UVSSA: variants seen among roughly 807,000 people sequenced by gnomAD.
UVSSA encodes UV stimulated scaffold protein A, also known as UV-stimulated scaffold protein A.
In UVSSA, 72 loss-of-function variants were observed where a neutral mutation model predicts 73.9. The observed-to-expected ratio is 0.97, with a 90% CI of 0.81 to 1.19. The LOEUF is 1.19. UVSSA is among the 50% of genes most tolerant of loss of function. UVSSA has a pLI of 0.00. For missense variants in UVSSA, 1,150 were observed against 965.0 expected (o/e 1.19, Z -2.54); for synonymous variants, 454 against 391.3 (o/e 1.16, Z -1.89).
chr4:1,387,120 C>T lies in UVSSA; in HGVS notation c.*1159C>T, dbSNP rs890685691. 6.6e-6 allele frequency: 1 copy of T among 151,990 alleles called. No homozygotes were observed. 9.4% of individuals were successfully genotyped at this position (151,990 alleles called of 1,614,324 possible). A position where few individuals can be genotyped will look rare whatever the true frequency, so the allele number is the denominator to read the frequency against. ...TTGAAATGGAATCTTGCTCTGTCGC[C>T]AGGCTGGAGTGCAATGGCGTGATCT... On this transcript the variant is annotated 3_prime_UTR_variant, in exon 14 of 14. Coordinates refer to ENST00000389851, the MANE Select transcript of UVSSA (RefSeq NM_020894.4).
At chr4:1,392,922 A>C (rs1156846975), downstream of UVSSA, 1 of 152,164 alleles carries the variant, frequency 6.6e-6, no homozygotes, top group Non-Finnish European at 1.5e-5. Context: ...AGTAACTCTC[A>C]TGGTTCTGCT....
At chr4:1,345,651 A>C (rs1378917967), upstream of UVSSA, among the ~76,000 whole-genome samples, 1 of 68,260 alleles carries the variant, frequency 1.5e-5, no homozygotes, top group Non-Finnish European at 5.1e-5. Context: ...TCTCAAAAAA[A>C]AAAAAAAAAA....
chr4:1,371,241 C>T (rs545957234), intron 8 of UVSSA, among the ~76,000 whole-genome samples: 4 of 145,630 alleles, frequency 2.7e-5, no homozygotes, highest in South Asian at 2.3e-4. Context: ...AGTGAGAGTA[C>T]GTCTGTGGGT....
In UVSSA at chr4:1,360,057, C is replaced by T. The variant is rs1055363230; in HGVS notation, c.1176+4812C>T. On this transcript the variant is annotated intron_variant, in intron 7 of 13. Coordinates refer to ENST00000389851, the MANE Select transcript of UVSSA (RefSeq NM_020894.4). ...GCAGGGGAGGAGGGACCTAAATCAG[C>T]GCTGCTGGGAAACCTTGTACCGCCC... 7.2e-5 allele frequency among the ~76,000 whole-genome samples: 11 copies of T among 152,352 alleles called. No homozygotes were observed. The South Asian group carries it at 1.4e-3, about 20-fold the overall frequency.
intron 6 of UVSSA, 115 bp downstream of exon 6, chr4:1,354,962 C>A: frequency 6.5e-7 from 1 of 1,529,260 alleles, no homozygotes; most frequent in Non-Finnish European, 8.8e-7. Flanking sequence ...CCTTAACCCG[C>A]GAGGGCTCTG....
intron 8 of UVSSA, among the ~76,000 whole-genome samples, chr4:1,373,677 C>G (rs1311607072): frequency 2.0e-5 from 3 of 152,180 alleles, no homozygotes; most frequent in African/African-American, 7.2e-5. Flanking sequence ...GTTTCTTCAA[C>G]TGTTTTCTGC....
chr4:1,380,597 G>T (rs1391645447), intron 11 of UVSSA: 1 of 1,474,492 alleles, frequency 6.8e-7, no homozygotes, highest in Non-Finnish European at 9.1e-7. Context: ...GCTGGGCATG[G>T]TGCAGGGGGG....
chr4:1,346,494 G>A (rs1577262305), upstream of UVSSA, among the ~76,000 whole-genome samples: 1 of 152,202 alleles, frequency 6.6e-6, no homozygotes, highest in East Asian at 1.9e-4. Flanking sequence ...GCGGCAGGAC[G>A]GACGGCGCCT....
intron 8 of UVSSA, among the ~76,000 whole-genome samples, chr4:1,372,944 C>T (rs1375964585): frequency 6.6e-6 from 1 of 151,916 alleles, no homozygotes; most frequent in Non-Finnish European, 1.5e-5. Flanking sequence ...CCCCCTGCCC[C>T]CTGGCTTTTC....
At position 1,394,566 on chromosome 4, in the gene UVSSA, C is replaced by G; in HGVS notation, c.*8605C>G. On this transcript the variant is annotated 3_prime_UTR_variant, in exon 14 of 14. Coordinates refer to the UVSSA transcript ENST00000511216. ...GGAGTGCCCGCCTGCTCACACGTGCCCATGTGGAGTGCCCGCCTGCTCATG... is the reference window on the plus strand; with the variant it reads ...GGAGTGCCCGCCTGCTCACACGTGCGCATGTGGAGTGCCCGCCTGCTCATG... The G allele has an allele frequency of 6.6e-7, 1 of 1,525,446 alleles. No homozygotes were observed. The highest frequency in any genetic ancestry group is 8.9e-7 in the Non-Finnish European group (1 of 1,124,730). The allele number at this position is 1,525,446 out of a possible 1,614,324, so 94.5% of individuals were successfully genotyped here.
At position 1,383,866 on chromosome 4, in the gene UVSSA, G is replaced by GTA; in HGVS notation, c.1963_1964dup (p.Pro656ThrfsTer7). On this transcript the variant is annotated frameshift_variant, in exon 13 of 14. Coordinates refer to ENST00000389851, the MANE Select transcript of UVSSA (RefSeq NM_020894.4). LOFTEE classifies it high-confidence loss of function. Reference sequence around the variant, plus strand: ...GGAAAGGCAGGGGGAAGAAGAGGAGGTACCCCAGCCTCACCAACCTGAAGG... The same window carrying GTA: ...GGAAAGGCAGGGGGAAGAAGAGGAGGTATACCCCAGCCTCACCAACCTGAAGG... 6.2e-7 allele frequency: 1 copy of GTA among 1,613,558 alleles called. No homozygotes were observed. The highest frequency in any genetic ancestry group is 1.3e-5 in the African/African-American group (1 of 75,018).
chr4:1,373,572 T>C (rs1375486011), intron 8 of UVSSA, among the ~76,000 whole-genome samples: 1 of 152,182 alleles, frequency 6.6e-6, no homozygotes, highest in Non-Finnish European at 1.5e-5. Flanking sequence ...GCCATGGTGT[T>C]CTTAGGTTTT....
At chr4:1,352,764 C>T (rs1206626662) in intron 4 of UVSSA, among the ~76,000 whole-genome samples, 2 of 152,220 alleles carry the variant, frequency 1.3e-5, no homozygotes, top group Non-Finnish European at 2.9e-5. Flanking sequence ...CCAGCCTGGG[C>T]AACATAGCAG....
At chr4:1,392,616 C>G (rs1720433353), downstream of UVSSA, 1 of 152,228 alleles carries the variant, frequency 6.6e-6, no homozygotes, top group East Asian at 1.9e-4. Flanking sequence ...CCTCTGGCAT[C>G]TGTGGTTTCC....
At position 1,354,844 on chromosome 4, in the gene UVSSA, C is replaced by G; in HGVS notation, c.1044C>G (p.Ile348Met). The G allele has an allele frequency of 6.2e-7, 1 of 1,606,434 alleles. No homozygotes were observed. The highest frequency in any genetic ancestry group is 8.5e-7 in the Non-Finnish European group (1 of 1,177,846). ...TCCTGCCGGCTGTGTGCTCGTGGAT[C>G]CAGGTGAGCCTCGAACCTGGGACCT... ...NKFLPAVCSW[I>M]QRFTRVGTHG... Residue 348 changes from isoleucine (I) to methionine (M), a missense_variant, in exon 6 of 14, where the codon ATC (isoleucine) becomes ATG (methionine). By Grantham distance (10) the Ile-to-Met change is conservative. Coordinates refer to ENST00000389851, the MANE Select transcript of UVSSA (RefSeq NM_020894.4).
intron 8 of UVSSA, among the ~76,000 whole-genome samples, chr4:1,373,076 T>C (rs1012316317): frequency 6.6e-6 from 1 of 152,272 alleles, no homozygotes; most frequent in Non-Finnish European, 1.5e-5. Context: ...TTTAGCTGGC[T>C]ATAAAATCCT....
intron 3 of UVSSA, among the ~76,000 whole-genome samples, chr4:1,351,471 C>T (rs184919096): frequency 0.016 from 2,470 of 151,806 alleles, 61 homozygotes; most frequent in African/African-American, 0.055. Context: ...CTGCAAGCTC[C>T]GCCTCCCGGG....
chr4:1,363,207 G>C (rs929731391), intron 7 of UVSSA, among the ~76,000 whole-genome samples: 2 of 152,134 alleles, frequency 1.3e-5, no homozygotes, highest in African/African-American at 4.8e-5. Flanking sequence ...CTGCCTCAGA[G>C]GTGAAGGGAG....
At chr4:1,389,460 C>T (rs1720350869), downstream of UVSSA, 1 of 152,296 alleles carries the variant, frequency 6.6e-6, no homozygotes, top group Non-Finnish European at 1.5e-5. Flanking sequence ...CAGCTTTGAC[C>T]TCCCAGACTC....
Sources: gnomAD v4.1 joint callset for allele counts (sites outside exome capture counted in the v4.1 genomes callset) on GRCh38, gnomAD v4.1.1 for gene constraint, MANE v1.5 for transcripts, NCBI Gene and HGNC (gene_info 2026-07-23, HGNC 2026-07-21) for gene names.